FBXW7: variants seen among roughly 807,000 people sequenced by gnomAD.
The protein encoded by FBXW7 is F-box and WD repeat domain containing 7.
Under a neutral mutation model 86.3 loss-of-function variants are expected in FBXW7, and 11 were observed. The observed-to-expected ratio is 0.13, with a 90% CI of 0.08 to 0.21. The LOEUF (loss-of-function observed/expected upper bound fraction) is 0.21. Among genes scored for constraint, FBXW7 ranks in the 10% least tolerant of loss-of-function variants. The probability of loss-of-function intolerance (pLI) is 1.00; values close to 1 mark genes in which losing one functional copy is unlikely to be tolerated. For synonymous variants in FBXW7, 313 were observed against 297.9 expected, an observed-to-expected ratio of 1.05 and a Z score of -0.52; for missense variants, 488 against 847.4, an observed-to-expected ratio of 0.58 and a Z score of 5.27.
intron 7 of FBXW7, among the ~76,000 whole-genome samples, chr4:152,337,066 T>G (rs1189451355): frequency 6.6e-6 from 1 of 151,948 alleles, no homozygotes; most frequent in Non-Finnish European, 1.5e-5. Context: ...ACTGACAAAA[T>G]TACTAGGTCT....
intron 4 of FBXW7, among the ~76,000 whole-genome samples, chr4:152,370,442 G>A (rs1168842477): frequency 6.6e-6 from 1 of 151,842 alleles, no homozygotes; most frequent in East Asian, 1.9e-4. Context: ...TTTATGTATG[G>A]GGTGGGGAGT....
At chr4:152,326,314 A>T in intron 11 of FBXW7, 83 bp from the exon 12 acceptor site, 7 of 906,246 alleles carry the variant, frequency 7.7e-6, no homozygotes, top group Non-Finnish European at 1.0e-5. Context: ...AACATGGTAG[A>T]TTTAGTCAAG....
intron 4 of FBXW7, among the ~76,000 whole-genome samples, chr4:152,353,612 T>A (rs1007172261): frequency 2.0e-5 from 3 of 152,174 alleles, no homozygotes; most frequent in African/African-American, 7.2e-5. Flanking sequence ...TTACTTTTAT[T>A]TGCTAATTTA....
intron 4 of FBXW7, among the ~76,000 whole-genome samples, chr4:152,357,672 C>T (rs1732521983): frequency 1.4e-5 from 2 of 147,990 alleles, no homozygotes; most frequent in East Asian, 4.0e-4. Context: ...CTTACAAAGA[C>T]ACAGCCTCTG....
In FBXW7 at chr4:152,504,442, C is replaced by T. The variant is rs554620258; in HGVS notation, c.-120+30499G>A. On this transcript the variant is annotated intron_variant, in intron 2 of 13. Coordinates refer to ENST00000281708, the MANE Select transcript of FBXW7 (RefSeq NM_001349798.2). ...AATATAGATTTGCCTAACATCCAATCTCCTTTTGAATATAATGTCAGTAAT... is the reference window on the plus strand; with the variant it reads ...AATATAGATTTGCCTAACATCCAATTTCCTTTTGAATATAATGTCAGTAAT... Among the ~76,000 whole-genome samples the T allele has an allele frequency of 5.3e-5, 8 of 152,230 alleles. No homozygotes were observed. In the South Asian group the frequency reaches 1.7e-3, roughly 32 times the overall value.
chr4:152,493,146 T>C (rs1333242533), intron 2 of FBXW7, among the ~76,000 whole-genome samples: 1 of 151,810 alleles, frequency 6.6e-6, no homozygotes, highest in Non-Finnish European at 1.5e-5. Context: ...CCAAAGAGTT[T>C]AAAGGATAGT....
At chr4:152,464,102 T>C (rs1743198551) in intron 2 of FBXW7, among the ~76,000 whole-genome samples, 1 of 152,240 alleles carries the variant, frequency 6.6e-6, no homozygotes, top group African/African-American at 2.4e-5. Flanking sequence ...CTAATGTTTA[T>C]CTACCTAGTT....
intron 2 of FBXW7, among the ~76,000 whole-genome samples, chr4:152,451,470 T>C (rs1221924763): frequency 1.3e-5 from 2 of 152,190 alleles, no homozygotes; most frequent in African/African-American, 4.8e-5. Context: ...TAAATAAGCA[T>C]AAGCTAATTT....
chr4:152,347,087 A>G lies in FBXW7; in HGVS notation c.585-16T>C. ...CCCAGTGGTACTACAAAAAAAAAAA[A>G]AAGAGAGAGAGAAAGGATAAAAGGA... On this transcript the variant is annotated splice_polypyrimidine_tract_variant and intron_variant, in intron 5 of 13. Transcript: ENST00000281708. 6.3e-7 allele frequency: 1 copy of G among 1,585,356 alleles called. No individual in the cohort carries two copies. Among genetic ancestry groups the G allele is most frequent in the Non-Finnish European group, 8.5e-7 (1 of 1,171,302 alleles).
At chr4:152,393,332 C>A (rs1164588209) in intron 4 of FBXW7, among the ~76,000 whole-genome samples, 1 of 152,046 alleles carries the variant, frequency 6.6e-6, no homozygotes. Context: ...ATTCTGTTCC[C>A]TTCTGAGTAA....
At chr4:152,448,447 G>GTT (rs1489049025) in intron 2 of FBXW7, among the ~76,000 whole-genome samples, 1 of 152,084 alleles carries the variant, frequency 6.6e-6, no homozygotes, top group African/African-American at 2.4e-5. Context: ...AATCTATGTA[G>GTT]TTACCTTTGG....
chr4:152,328,650 A>T, intron 10 of FBXW7: 1 of 258,514 alleles, frequency 3.9e-6, no homozygotes, highest in Non-Finnish European at 7.2e-6. Flanking sequence ...GATATAATAA[A>T]AAGGAAACAC....
chr4:152,484,056 A>G (rs1421071185), intron 2 of FBXW7, among the ~76,000 whole-genome samples: 1 of 152,176 alleles, frequency 6.6e-6, no homozygotes, highest in Non-Finnish European at 1.5e-5. Flanking sequence ...AATAGAGTCT[A>G]CATGCAACAC....
intron 5 of FBXW7, 147 bp downstream of exon 5, chr4:152,349,895 T>C (rs1319620175): frequency 2.2e-5 from 9 of 404,044 alleles, no homozygotes; most frequent in Non-Finnish European, 3.6e-5. Context: ...TAAAATGATA[T>C]AGTTCTCAAT....
chr4:152,439,092 A>T (rs997412369), intron 2 of FBXW7, among the ~76,000 whole-genome samples: 1 of 152,220 alleles, frequency 6.6e-6, no homozygotes, highest in African/African-American at 2.4e-5. Context: ...GATGACCTTA[A>T]GAAAAAAACT....
intron 2 of FBXW7, among the ~76,000 whole-genome samples, chr4:152,439,613 C>A (rs1740697730): frequency 6.6e-6 from 1 of 152,076 alleles, no homozygotes; most frequent in South Asian, 2.1e-4. Flanking sequence ...GGCCTGTAAT[C>A]CCAGCACTTC....
chr4:152,475,399 C>G (rs1217825215), intron 2 of FBXW7, among the ~76,000 whole-genome samples: 1 of 152,054 alleles, frequency 6.6e-6, no homozygotes, highest in Non-Finnish European at 1.5e-5. Flanking sequence ...TGCACTCCAG[C>G]CTTCGCAACT....
chr4:152,369,996 GAGA>G (rs1394954315), intron 4 of FBXW7, among the ~76,000 whole-genome samples: 3 of 151,928 alleles, frequency 2.0e-5, no homozygotes, highest in African/African-American at 7.2e-5. Context: ...TGTTATCTTA[GAGA>G]AGAACAAACT....
intron 2 of FBXW7, among the ~76,000 whole-genome samples, chr4:152,495,006 T>C (rs1746191418): frequency 6.6e-6 from 1 of 152,160 alleles, no homozygotes; most frequent in South Asian, 2.1e-4. Context: ...GGTACAGAGT[T>C]CCTAAATAAT....
Sources: gnomAD v4.1 joint callset for allele counts (sites outside exome capture counted in the v4.1 genomes callset) on GRCh38, gnomAD v4.1.1 for gene constraint, MANE v1.5 for transcripts, NCBI Gene and HGNC (gene_info 2026-07-23, HGNC 2026-07-21) for gene names.